The following DSC1 variants were observed in gnomAD, a reference collection of about 807,000 sequenced individuals.
The protein encoded by DSC1 is desmocollin-1.
Under a neutral mutation model 98.8 loss-of-function variants are expected in DSC1, and 79 were observed. That is an observed-to-expected ratio of 0.80 (90% CI 0.67 to 0.96). The LOEUF (loss-of-function observed/expected upper bound fraction) is 0.96, where lower values mean the gene tolerates loss of function less well. Among genes scored for constraint, DSC1 ranks in the 50% least tolerant of loss-of-function variants. The pLI, the probability that DSC1 is intolerant of heterozygous loss-of-function variation, is 0.00. For synonymous variants in DSC1, 405 were observed against 372.1 expected (o/e 1.09, Z -1.02); for missense variants, 1,115 against 1,075.9 (o/e 1.04, Z -0.51).
intron 8 of DSC1, 100 bp from the exon 9 acceptor site, chr18:31,142,284 T>G: frequency 7.8e-7 from 1 of 1,288,512 alleles, no homozygotes; most frequent in African/African-American, 1.5e-5. Flanking sequence ...TAAAGTGATG[T>G]GAAAAGCTGC....
At chr18:31,157,019 G>A (rs1325813277) in intron 3 of DSC1, among the ~76,000 whole-genome samples, 2 of 152,158 alleles carry the variant, frequency 1.3e-5, no homozygotes, top group Non-Finnish European at 2.9e-5. Flanking sequence ...ACAGGGTGGA[G>A]CCCACATCTC....
chr18:31,154,951 A>C (rs1162625614), intron 4 of DSC1, 22 bp from the exon 5 acceptor site: 1 of 1,609,730 alleles, frequency 6.2e-7, no homozygotes, highest in Non-Finnish European at 8.5e-7. Flanking sequence ...ATTTAGGAAT[A>C]GAACAAATAC....
In DSC1 at chr18:31,134,717, A is replaced by G; in HGVS notation, c.1731T>C (p.Ile577=). 6.2e-7 allele frequency: 1 copy of G among 1,613,292 alleles called. No individual in the cohort carries two copies. Among genetic ancestry groups the G allele is most frequent in the Non-Finnish European group, 8.5e-7 (1 of 1,179,542 alleles). The change falls in exon 12 of 16, where the codon ATT becomes ATC. Residue 577 remains isoleucine (I), a synonymous_variant. Coordinates refer to ENST00000257198, the MANE Select transcript of DSC1 (RefSeq NM_024421.2). ...LDDYNDHAPQ[I]DKEVTICQNN... ...TCTGACAAATGGTCACTTCTTTGTC[A>G]ATTTGAGGTGCGTGATCGTTGTAAT...
At chr18:31,135,375 A>G (rs1988589461) in intron 11 of DSC1, among the ~76,000 whole-genome samples, 1 of 152,126 alleles carries the variant, frequency 6.6e-6, no homozygotes, top group Non-Finnish European at 1.5e-5. Context: ...GCCATATTCC[A>G]GTGCTTTCTC....
intron 11 of DSC1, among the ~76,000 whole-genome samples, chr18:31,137,766 A>G (rs1408864655): frequency 6.6e-6 from 1 of 152,130 alleles, no homozygotes. Flanking sequence ...ATTTATTTGA[A>G]GAAGTTAAGG....
At chr18:31,130,754 C>A in intron 15 of DSC1, 43 bp from the exon 16 acceptor site, 2 of 1,612,098 alleles carry the variant, frequency 1.2e-6, no homozygotes, top group Non-Finnish European at 1.7e-6. Flanking sequence ...TTAAAAAACA[C>A]CTAAACATAT....
chr18:31,150,348 C>CTACCACCAT (rs1598625719), intron 5 of DSC1, among the ~76,000 whole-genome samples: 2 of 8,264 alleles, frequency 2.4e-4, no homozygotes, highest in African/African-American at 9.0e-4. Flanking sequence ...ACCATCACCA[C>CTACCACCAT]CACCACCACC....
At chr18:31,147,526 T>C (rs1177167836) in intron 6 of DSC1, among the ~76,000 whole-genome samples, 1 of 152,144 alleles carries the variant, frequency 6.6e-6, no homozygotes, top group Admixed American at 6.5e-5. Context: ...GAACGTTTTA[T>C]GTAGTATATC....
rs1988750760 is a variant in DSC1 at position 31,142,128 on chromosome 18, T to C, written c.1131A>G (p.Val377=). The change falls in exon 9 of 16, where the codon GTA becomes GTG. Residue 377 remains valine (V), a synonymous_variant. Transcript: ENST00000257198. The stretch of plus-strand genomic sequence containing the variant: ...GAGTGTTTGGCAAATCCTGATCCTG[T>C]ACCTTCATTCGTAAAATCTCCACGT... ...RIDVEILRMK[V]QDQDLPNTPH... 1.9e-6 allele frequency: 3 copies of C among 1,613,164 alleles called. No homozygotes were observed. In the East Asian group the frequency reaches 6.7e-5, roughly 36 times the overall value.
At chr18:31,133,865 T>C (rs1164474840) in intron 13 of DSC1, 26 bp downstream of exon 13, 1 of 1,570,276 alleles carries the variant, frequency 6.4e-7, no homozygotes, top group East Asian at 2.3e-5. Context: ...TAACACATTC[T>C]AGATAATGAT....
At chr18:31,139,290 A>C (rs1988679087) in intron 11 of DSC1, among the ~76,000 whole-genome samples, 1 of 152,108 alleles carries the variant, frequency 6.6e-6, no homozygotes, top group Non-Finnish European at 1.5e-5. Flanking sequence ...AATAGGATAA[A>C]TGATTTGTTC....
At chr18:31,153,474 T>G (rs9952225) in intron 5 of DSC1, among the ~76,000 whole-genome samples, 34 of 152,034 alleles carry the variant, frequency 2.2e-4, no homozygotes, top group African/African-American at 8.0e-4. Flanking sequence ...AAGTAAAATA[T>G]GTTTATTCTA....
intron 7 of DSC1, among the ~76,000 whole-genome samples, chr18:31,145,333 A>G (rs1186082971): frequency 6.6e-6 from 1 of 152,212 alleles, no homozygotes; most frequent in Non-Finnish European, 1.5e-5. Flanking sequence ...TTGGAGCCAG[A>G]TAAAAGTATT....
At chr18:31,130,992 G>T (rs1218362055) in intron 15 of DSC1, among the ~76,000 whole-genome samples, 1 of 152,142 alleles carries the variant, frequency 6.6e-6, no homozygotes, top group Non-Finnish European at 1.5e-5. Flanking sequence ...CACAAAACAT[G>T]TATATTTGAA....
rs772460698 is a variant in DSC1 at position 31,157,406 on chromosome 18, CTTG to C, written c.313_315del (p.Gln105del). The C allele has an allele frequency of 2.8e-5, 46 of 1,614,066 alleles. No individual in the cohort carries two copies. The Admixed American group carries it at 3.2e-4, about 11-fold the overall frequency. ...CTTGCTGACAGTACAACTTTTATCT[CTTG>C]TTGTTCCCGTCTCTGACCATCTGAA... On this transcript the variant is annotated inframe_deletion, in exon 3 of 16. Coordinates refer to ENST00000257198, the MANE Select transcript of DSC1 (RefSeq NM_024421.2).
intron 2 of DSC1, among the ~76,000 whole-genome samples, chr18:31,159,047 G>GTTTTTTTTTTTTT (rs560889140): frequency 0.18 from 12,359 of 69,498 alleles, 3,036 homozygotes; most frequent in East Asian, 0.26. Context: ...CTACTATGTG[G>GTTTTTTTTTTTTT]TTTTTTTTTT....
chr18:31,139,934 G>A, intron 10 of DSC1, 44 bp from the exon 11 acceptor site: 1 of 1,569,694 alleles, frequency 6.4e-7, no homozygotes, highest in Non-Finnish European at 8.6e-7. Flanking sequence ...TCAAAGAAGG[G>A]ACATGATCTT....
Position 31,130,288 on chromosome 18 carries a change from A to G in DSC1, c.*226T>C, listed in dbSNP as rs1010140614. On this transcript the variant is annotated 3_prime_UTR_variant, in exon 16 of 16. Transcript: ENST00000257198. ...TACAGTCGTGAAAAGGGCAATATAT[A>G]CATGCATATAAAAGAGAATTAACAA... 1 of 568,816 alleles carries G rather than the reference A, an allele frequency of 1.8e-6. No individual in the cohort carries two copies. Among genetic ancestry groups the G allele is most frequent in the African/African-American group, 1.9e-5 (1 of 53,382 alleles). 35.2% of individuals were successfully genotyped at this position (568,816 alleles called of 1,614,324 possible).
chr18:31,144,052 G>A (rs987363126), intron 7 of DSC1, among the ~76,000 whole-genome samples: 11 of 152,002 alleles, frequency 7.2e-5, no homozygotes, highest in Admixed American at 1.3e-4. Context: ...TGGGAGTGCA[G>A]GCGCCCACCA....
Sources: gnomAD v4.1 joint callset for allele counts (sites outside exome capture counted in the v4.1 genomes callset) on GRCh38, gnomAD v4.1.1 for gene constraint, MANE v1.5 for transcripts, NCBI Gene and HGNC (gene_info 2026-07-23, HGNC 2026-07-21) for gene names.